The following E2F7 variants were observed in gnomAD, a reference collection of about 807,000 sequenced individuals.
E2F7 encodes the protein transcription factor E2F7.
E2F7 carries 35 observed loss-of-function variants against 81.1 expected under a neutral mutation model. That is an observed-to-expected ratio of 0.43 (90% CI 0.33 to 0.57). E2F7 has a LOEUF of 0.57. Among genes scored for constraint, E2F7 ranks in the 20% least tolerant of loss-of-function variants. The probability of loss-of-function intolerance (pLI) is 0.04; values close to 1 mark genes in which losing one functional copy is unlikely to be tolerated. For synonymous variants in E2F7, 416 were observed against 416.2 expected, an observed-to-expected ratio of 1.00 and a Z score of 0.01; for missense variants, 961 against 1,093.7, an observed-to-expected ratio of 0.88 and a Z score of 1.71.
At chr12:77,035,117 T>C (rs1052948836) in intron 7 of E2F7, among the ~76,000 whole-genome samples, 3 of 152,310 alleles carry the variant, frequency 2.0e-5, no homozygotes, top group East Asian at 1.9e-4. Flanking sequence ...GTGAGCTCTA[T>C]AATGATTTTT....
intron 12 of E2F7, among the ~76,000 whole-genome samples, chr12:77,025,076 C>CATAT (rs1954746900): frequency 6.8e-6 from 1 of 146,108 alleles, no homozygotes; most frequent in African/African-American, 2.8e-5. Context: ...TATATACATA[C>CATAT]AGACATTATA....
chr12:77,034,362 A>G (rs886856571), intron 7 of E2F7, among the ~76,000 whole-genome samples: 4 of 152,218 alleles, frequency 2.6e-5, no homozygotes, highest in African/African-American at 4.8e-5. Context: ...TAGATGCTCT[A>G]TTTGAGCAGA....
chr12:77,028,951 A>C (rs972736221), intron 10 of E2F7, among the ~76,000 whole-genome samples: 4 of 152,242 alleles, frequency 2.6e-5, no homozygotes, highest in African/African-American at 9.6e-5. Flanking sequence ...GAGAAATGAC[A>C]AGAGATTTTA....
chr12:77,042,243 C>T (rs375463346), intron 7 of E2F7, among the ~76,000 whole-genome samples: 9 of 152,224 alleles, frequency 5.9e-5, no homozygotes, highest in African/African-American at 1.4e-4. Flanking sequence ...TCAGTGCATA[C>T]GCACTGGGTT....
chr12:77,064,852 T>C (rs1198923353), intron 1 of E2F7, among the ~76,000 whole-genome samples: 2 of 152,068 alleles, frequency 1.3e-5, no homozygotes, highest in African/African-American at 4.8e-5. Context: ...ACTGAAAATC[T>C]GGGAAGAAAA....
intron 11 of E2F7, among the ~76,000 whole-genome samples, chr12:77,026,607 A>G (rs1405461486): frequency 6.6e-6 from 1 of 152,150 alleles, no homozygotes; most frequent in African/African-American, 2.4e-5. Context: ...TGGCCAAAAT[A>G]TCTTTATAAG....
chr12:77,056,179 A>G (rs749029688), intron 2 of E2F7, 49 bp from the exon 3 acceptor site: 1 of 1,512,870 alleles, frequency 6.6e-7, no homozygotes, highest in Non-Finnish European at 8.9e-7. Flanking sequence ...GGCAGGTATC[A>G]GCTAAGAGTA....
chr12:77,033,510 CAAAAG>C (rs1445307702), intron 8 of E2F7, among the ~76,000 whole-genome samples: 1 of 151,694 alleles, frequency 6.6e-6, no homozygotes, highest in Non-Finnish European at 1.5e-5. Context: ...ACCTTTCTCT[CAAAAG>C]AAAAAGAAAA....
Position 77,046,031 on chromosome 12 carries a change from G to A in E2F7, c.829+7C>T, listed in dbSNP as rs761319850. 6.2e-7 allele frequency: 1 copy of A among 1,610,940 alleles called. No individual in the cohort carries two copies. Among genetic ancestry groups the A allele is most frequent in the Non-Finnish European group, 8.5e-7 (1 of 1,178,232 alleles). On this transcript the variant is annotated splice_region_variant and intron_variant, in intron 5 of 12. Transcript: ENST00000322886. ...TGCCATTACTCATGAAGTTACAATG[G>A]ACTCACAAGAGGGACAGTCGGGTTC...
intron 9 of E2F7, among the ~76,000 whole-genome samples, chr12:77,032,760 T>C (rs1954816862): frequency 6.6e-6 from 1 of 152,220 alleles, no homozygotes; most frequent in Admixed American, 6.5e-5. Context: ...CATGGAACTC[T>C]GATACTTCAT....
At chr12:77,047,835 C>G (rs1954955591) in intron 4 of E2F7, among the ~76,000 whole-genome samples, 1 of 152,166 alleles carries the variant, frequency 6.6e-6, no homozygotes, top group African/African-American at 2.4e-5. Flanking sequence ...GCCCCTTGTC[C>G]AGAACTGCCT....
In E2F7 at chr12:77,033,922, T is replaced by C; in HGVS notation, c.1244A>G (p.Gln415Arg). The C allele has an allele frequency of 6.2e-7, 1 of 1,614,214 alleles. No homozygotes were observed. Among genetic ancestry groups the C allele is most frequent in the African/African-American group, 1.3e-5 (1 of 75,070 alleles). ...TTTCCTCTGGATCCTCTCAGAAGCC[T>C]GAACTGTGTTAAAAGAACCATGGCG... Reference protein sequence around the residue: ...LARHGSFNTVQASERIQRKVN... With the variant: ...LARHGSFNTVRASERIQRKVN... Residue 415 changes from glutamine to arginine, a missense_variant, in exon 8 of 13, where the codon CAG (glutamine) becomes CGG (arginine). Coordinates refer to ENST00000322886, the MANE Select transcript of E2F7 (RefSeq NM_203394.3).
At chr12:77,024,286 G>T in intron 12 of E2F7, 101 bp from the exon 13 acceptor site, 1 of 1,297,282 alleles carries the variant, frequency 7.7e-7, no homozygotes, top group Non-Finnish European at 1.0e-6. Flanking sequence ...GGATCCCAAG[G>T]CAGGCGTTCC....
rs776564666 is a variant in E2F7 at position 77,046,110 on chromosome 12, G to C, written c.757C>G (p.Arg253Gly). 1 of 1,614,144 alleles carries C rather than the reference G, an allele frequency of 6.2e-7. No individual in the cohort carries two copies. The highest frequency in any genetic ancestry group is 1.1e-5 in the South Asian group (1 of 91,086). The part of the protein sequence containing the change: ...LDLIDYKFGE[R>G]KKDGDPDSQE... Reference sequence around the variant, plus strand: ...GAATCTGGATCACCATCTTTTTTACGTTCTCCAAATTTATAATCTATCAGG... The same window carrying C: ...GAATCTGGATCACCATCTTTTTTACCTTCTCCAAATTTATAATCTATCAGG... Residue 253 changes from arginine to glycine, a missense_variant, in exon 5 of 13, where the codon CGT becomes GGT. Around this residue, in one of 3 missense-constraint regions of E2F7, gnomAD observed 301 missense variants for 405.0 expected, o/e 0.74. Coordinates refer to ENST00000322886, the MANE Select transcript of E2F7 (RefSeq NM_203394.3).
chr12:77,048,051 A>G (rs1337767671), intron 4 of E2F7, among the ~76,000 whole-genome samples: 2 of 152,206 alleles, frequency 1.3e-5, no homozygotes. Context: ...GGAAAACAAA[A>G]TAAGTTTCTG....
At chr12:77,060,024 G>T (rs310797) in intron 2 of E2F7, among the ~76,000 whole-genome samples, 39,252 of 149,766 alleles carry the variant, frequency 0.26, 5,965 homozygotes, top group Non-Finnish European at 0.33. Context: ...TCTGATGGCT[G>T]CCCTAGAACT....
chr12:77,064,180 T>C (rs1464604493), intron 2 of E2F7, among the ~76,000 whole-genome samples: 1 of 152,236 alleles, frequency 6.6e-6, no homozygotes. Flanking sequence ...ATCCAGCATT[T>C]ATGCCTGCAA....
At position 77,022,799 on chromosome 12, in the gene E2F7, A is replaced by G. The variant is rs1954724008; in HGVS notation, c.*1216T>C. 6.6e-6 allele frequency: 1 copy of G among 152,192 alleles called. No individual in the cohort carries two copies. The highest frequency in any genetic ancestry group is 2.4e-5 in the African/African-American group (1 of 41,440). 9.4% of individuals were successfully genotyped at this position (152,192 alleles called of 1,614,324 possible). On this transcript the variant is annotated 3_prime_UTR_variant, in exon 13 of 13. Coordinates refer to ENST00000322886, the MANE Select transcript of E2F7 (RefSeq NM_203394.3). ...ATGCACCCCTAAAGTAATGTGGGTT[A>G]AAAAAGGGAAATTGCATAACAGTTT...
chr12:77,039,057 A>G (rs1408701000), intron 7 of E2F7, among the ~76,000 whole-genome samples: 1 of 152,230 alleles, frequency 6.6e-6, no homozygotes, highest in Non-Finnish European at 1.5e-5. Context: ...GTCCAGAAAC[A>G]TTACCATACA....
Sources: gnomAD v4.1 joint callset for allele counts (sites outside exome capture counted in the v4.1 genomes callset) on GRCh38, gnomAD v4.1.1 for gene constraint, gnomAD v4.1.1 regional missense constraint, MANE v1.5 for transcripts, NCBI Gene and HGNC (gene_info 2026-07-23, HGNC 2026-07-21) for gene names.